MROH2B: variants seen among roughly 807,000 people sequenced by gnomAD.
The protein encoded by MROH2B is maestro heat-like repeat-containing protein family member 2B.
MROH2B carries 177 observed loss-of-function variants against 208.6 expected under a neutral mutation model. That is an observed-to-expected ratio of 0.85 (90% CI 0.75 to 0.96). The LOEUF (loss-of-function observed/expected upper bound fraction) is 0.96. Among genes scored for constraint, MROH2B ranks in the 40% least tolerant of loss-of-function variants. MROH2B has a pLI of 0.00. For synonymous variants in MROH2B, 728 were observed against 659.0 expected (o/e 1.10, Z -1.60); for missense variants, 2,002 against 1,878.7 (o/e 1.07, Z -1.21).
At chr5:41,012,856 G>T in intron 29 of MROH2B, 121 bp from the exon 30 acceptor site, 23 of 1,215,470 alleles carry the variant, frequency 1.9e-5, no homozygotes, top group Non-Finnish European at 2.2e-5. Context: ...CAACAGTTTT[G>T]ATTGAGGCCA....
At chr5:41,047,113 C>T (rs76706824) in intron 17 of MROH2B, among the ~76,000 whole-genome samples, 6,437 of 152,212 alleles carry the variant, frequency 0.042, 154 homozygotes, top group Middle Eastern at 0.071. Context: ...CTGTGGGCTT[C>T]GTCCCTCCTG....
chr5:41,027,528 G>A (rs1273516171), intron 24 of MROH2B, among the ~76,000 whole-genome samples: 2 of 152,182 alleles, frequency 1.3e-5, no homozygotes, highest in Non-Finnish European at 2.9e-5. Flanking sequence ...TCATTAAAAA[G>A]TCAGGAAACA....
chr5:41,058,008 C>T (rs1430017505), intron 7 of MROH2B, 55 bp downstream of exon 7: 5 of 1,416,268 alleles, frequency 3.5e-6, no homozygotes, highest in African/African-American at 1.5e-5. Context: ...TAAAAGCCTC[C>T]CGGAGGGTTG....
Position 41,008,638 on chromosome 5 carries a change from C to G in MROH2B, c.3576G>C (p.Gln1192His). 1 of 1,613,924 alleles carries G rather than the reference C, an allele frequency of 6.2e-7. No individual in the cohort carries two copies. Among genetic ancestry groups the G allele is most frequent in the Non-Finnish European group, 8.5e-7 (1 of 1,179,854 alleles). Residue 1192 changes from glutamine (Q) to histidine (H), a missense_variant, in exon 33 of 42, where the codon CAG becomes CAC. Physicochemically the swap from Gln to His is conservative, Grantham distance 24 (BLOSUM62 0). Transcript: ENST00000399564. ...GGTCTGGGATCTGCTGCTGTTCTCC[C>G]TGCTGCATCACATGCCGCCTATGGC... ...PWSHRRHVMQ[Q>H]GEQQQIPDPC...
At chr5:41,027,917 TCTCAGCAAA>T (rs1305734046) in intron 24 of MROH2B, among the ~76,000 whole-genome samples, 1 of 151,974 alleles carries the variant, frequency 6.6e-6, no homozygotes, top group Non-Finnish European at 1.5e-5. Context: ...AAACCATCAT[TCTCAGCAAA>T]CTATTGCAAG....
intron 28 of MROH2B, 151 bp downstream of exon 28, chr5:41,017,699 G>C (rs1361956728): frequency 2.6e-6 from 2 of 768,722 alleles, no homozygotes; most frequent in Admixed American, 3.3e-5. Context: ...AGATGGGGAG[G>C]GGAGAGGAGA....
chr5:41,063,598 C>G (rs549154272), intron 5 of MROH2B, among the ~76,000 whole-genome samples: 2 of 152,108 alleles, frequency 1.3e-5, no homozygotes, highest in South Asian at 2.1e-4. Context: ...AATGGAAGAG[C>G]CTTTGTTTCT....
Position 41,062,792 on chromosome 5 carries a change from A to T in MROH2B, c.461-1068T>A, listed in dbSNP as rs548465369. Among the ~76,000 whole-genome samples the T allele has an allele frequency of 2.6e-5, 4 of 152,214 alleles. No individual in the cohort carries two copies. The South Asian group carries it at 8.3e-4, about 32-fold the overall frequency. On this transcript the variant is annotated intron_variant, in intron 5 of 41. Transcript: ENST00000399564. ...CCAAACTCCTTATAATTTCTTTAAG[A>T]ATCTCTTACTATACTTTATAATAGT...
At chr5:41,067,579 G>A (rs1175929249) in intron 2 of MROH2B, among the ~76,000 whole-genome samples, 5 of 151,954 alleles carry the variant, frequency 3.3e-5, no homozygotes, top group African/African-American at 7.3e-5. Context: ...TGTTGGCTAC[G>A]CTGGTCTCGA....
At chr5:41,041,424 C>T (rs1354576637) in intron 19 of MROH2B, among the ~76,000 whole-genome samples, 1 of 152,038 alleles carries the variant, frequency 6.6e-6, no homozygotes, top group Non-Finnish European at 1.5e-5. Context: ...GTCAGGAGTT[C>T]GAGACCAGCC....
intron 35 of MROH2B, 102 bp from the exon 36 acceptor site, chr5:41,005,022 T>G (rs1741531615): frequency 6.9e-7 from 1 of 1,447,776 alleles, no homozygotes; most frequent in Non-Finnish European, 9.2e-7. Flanking sequence ...AGGACCCCAC[T>G]GCTTGTGCAG....
intron 24 of MROH2B, among the ~76,000 whole-genome samples, chr5:41,022,018 G>T (rs934447270): frequency 6.6e-6 from 1 of 152,198 alleles, no homozygotes; most frequent in Admixed American, 6.5e-5. Flanking sequence ...AAATTTTATT[G>T]AGTATATTTA....
chr5:41,059,525 C>T (rs1028062750), intron 6 of MROH2B, among the ~76,000 whole-genome samples: 1 of 152,110 alleles, frequency 6.6e-6, no homozygotes, highest in African/African-American at 2.4e-5. Context: ...AACAAATCAT[C>T]TCAAAACTTA....
chr5:41,033,272 C>T, intron 22 of MROH2B, 112 bp from the exon 23 acceptor site: 7 of 1,436,046 alleles, frequency 4.9e-6, no homozygotes, highest in Non-Finnish European at 6.6e-6. Flanking sequence ...AGAATCTTTG[C>T]TTCCTTTGCC....
At chr5:41,019,856 A>G (rs1477969964) in intron 24 of MROH2B, among the ~76,000 whole-genome samples, 2 of 152,244 alleles carry the variant, frequency 1.3e-5, no homozygotes, top group Admixed American at 6.5e-5. Flanking sequence ...TAATTTATGT[A>G]TAGTAAGCTG....
intron 31 of MROH2B, 38 bp downstream of exon 31, chr5:41,009,884 C>T: frequency 6.4e-7 from 1 of 1,572,886 alleles, no homozygotes; most frequent in Non-Finnish European, 8.6e-7. Flanking sequence ...TCAGAGTGGC[C>T]TTCCCTAGGA....
chr5:41,052,378 G>T, intron 12 of MROH2B, 87 bp downstream of exon 12: 1 of 1,309,702 alleles, frequency 7.6e-7, no homozygotes, highest in Non-Finnish European at 1.0e-6. Flanking sequence ...GACAGATTAA[G>T]GATCCTAATC....
intron 3 of MROH2B, among the ~76,000 whole-genome samples, chr5:41,066,440 G>A (rs1361658908): frequency 6.6e-6 from 1 of 152,180 alleles, no homozygotes. Flanking sequence ...GTTGCATTTT[G>A]AAGCAATAGT....
chr5:41,019,129 AT>A, intron 24 of MROH2B, 111 bp from the exon 25 acceptor site: 1 of 1,281,722 alleles, frequency 7.8e-7, no homozygotes, highest in Non-Finnish European at 1.1e-6. Flanking sequence ...AACGTGTCAC[AT>A]TTTCTGACAC....
Sources: gnomAD v4.1 joint callset for allele counts (sites outside exome capture counted in the v4.1 genomes callset) on GRCh38, gnomAD v4.1.1 for gene constraint, MANE v1.5 for transcripts, NCBI Gene and HGNC (gene_info 2026-07-23, HGNC 2026-07-21) for gene names.